CNTNAP2: variants seen among roughly 807,000 people sequenced by gnomAD.
CNTNAP2 encodes contactin associated protein 2, also known as contactin-associated protein-like 2.
In CNTNAP2, 98 loss-of-function variants were observed where a neutral mutation model predicts 155.2. That is an observed-to-expected ratio of 0.63 (90% CI 0.54 to 0.75). The LOEUF (loss-of-function observed/expected upper bound fraction) is 0.75, where lower values mean the gene tolerates loss of function less well. CNTNAP2 is among the 30% of genes least tolerant of loss of function. The pLI is 0.00. For missense variants in CNTNAP2, 1,727 were observed against 1,688.1 expected (o/e 1.02, Z -0.40); for synonymous variants, 651 against 631.2 (o/e 1.03, Z -0.47).
chr7:147,737,092 G>A (rs942008954), intron 13 of CNTNAP2, among the ~76,000 whole-genome samples: 1 of 152,158 alleles, frequency 6.6e-6, no homozygotes, highest in African/African-American at 2.4e-5. Context: ...GAGGTGGAGA[G>A]GCGCTCTGAT....
chr7:146,625,065 G>A (rs1159285120), intron 1 of CNTNAP2, among the ~76,000 whole-genome samples: 1 of 151,876 alleles, frequency 6.6e-6, no homozygotes, highest in African/African-American at 2.4e-5. Flanking sequence ...GTTTTCAAGT[G>A]CATTCATACA....
At chr7:146,290,858 A>G (rs531482090) in intron 1 of CNTNAP2, among the ~76,000 whole-genome samples, 1 of 152,340 alleles carries the variant, frequency 6.6e-6, no homozygotes, top group East Asian at 1.9e-4. Context: ...TTTTCATTGC[A>G]GTATCAATGC....
intron 13 of CNTNAP2, among the ~76,000 whole-genome samples, chr7:147,847,754 GT>G (rs1391068976): frequency 2.4e-5 from 1 of 40,946 alleles, no homozygotes; most frequent in Non-Finnish European, 4.3e-5. Context: ...TTTGATGATG[GT>G]GATGTACAGA....
At chr7:146,511,301 C>G (rs1323466504) in intron 1 of CNTNAP2, among the ~76,000 whole-genome samples, 2 of 152,180 alleles carry the variant, frequency 1.3e-5, no homozygotes, top group African/African-American at 4.8e-5. Context: ...CCTAATTGCT[C>G]TGGCTAGTAC....
intron 1 of CNTNAP2, among the ~76,000 whole-genome samples, chr7:146,174,043 A>T (rs771206556): frequency 6.6e-6 from 1 of 151,976 alleles, no homozygotes; most frequent in Non-Finnish European, 1.5e-5. Flanking sequence ...TATCTCTACA[A>T]AAAACAAAAA....
chr7:146,954,173 CTT>C (rs1047527870), intron 3 of CNTNAP2, among the ~76,000 whole-genome samples: 3 of 151,876 alleles, frequency 2.0e-5, no homozygotes, highest in Non-Finnish European at 4.4e-5. Flanking sequence ...ATCGTGTTAA[CTT>C]ATAATCTCTC....
intron 1 of CNTNAP2, among the ~76,000 whole-genome samples, chr7:146,337,656 G>C (rs970995419): frequency 2.0e-5 from 3 of 151,988 alleles, no homozygotes; most frequent in Non-Finnish European, 4.4e-5. Context: ...TTCTTGTAGA[G>C]ATGAGGTCTC....
At chr7:146,588,369 A>T (rs548738541) in intron 1 of CNTNAP2, among the ~76,000 whole-genome samples, 1 of 152,338 alleles carries the variant, frequency 6.6e-6, no homozygotes, top group South Asian at 2.1e-4. Flanking sequence ...GATCTTTGGA[A>T]TACTGAAAAC....
chr7:147,202,241 T>TA (rs35746648), intron 8 of CNTNAP2, among the ~76,000 whole-genome samples: 125,297 of 145,452 alleles, frequency 0.86, 54,247 homozygotes, highest in Middle Eastern at 0.91. Flanking sequence ...TAGCCTGATT[T>TA]AAAAAAAAAA....
intron 1 of CNTNAP2, among the ~76,000 whole-genome samples, chr7:146,517,952 T>G (rs1239300488): frequency 6.6e-6 from 1 of 151,962 alleles, no homozygotes; most frequent in Non-Finnish European, 1.5e-5. Flanking sequence ...TCAAGTGTAT[T>G]CTGAGATCTA....
In CNTNAP2 at chr7:148,118,110, TC is replaced by T; in HGVS notation, c.2384-5del. 6.2e-7 allele frequency: 1 copy of T among 1,613,990 alleles called. No individual in the cohort carries two copies. The highest frequency in any genetic ancestry group is 8.5e-7 in the Non-Finnish European group (1 of 1,180,006). On this transcript the variant is annotated splice_polypyrimidine_tract_variant and splice_region_variant and intron_variant, in intron 15 of 23. Coordinates refer to ENST00000361727, the MANE Select transcript of CNTNAP2 (RefSeq NM_014141.6). ...AGTTAACCTGATTTTTTTGTTTTCTTCCCACAGGGAATTATTGGAATGCCGC... is the reference window on the plus strand; with the variant it reads ...AGTTAACCTGATTTTTTTGTTTTCTTCCACAGGGAATTATTGGAATGCCGC...
chr7:146,498,562 T>C (rs1399829646), intron 1 of CNTNAP2, among the ~76,000 whole-genome samples: 1 of 152,198 alleles, frequency 6.6e-6, no homozygotes, highest in Admixed American at 6.5e-5. Context: ...GAAATTTTCA[T>C]TTTCAATTCC....
intron 1 of CNTNAP2, among the ~76,000 whole-genome samples, chr7:146,723,782 A>G (rs1317729022): frequency 6.6e-6 from 1 of 152,226 alleles, no homozygotes; most frequent in African/African-American, 2.4e-5. Flanking sequence ...TTGGTTCTCT[A>G]TGAAATAATA....
intron 5 of CNTNAP2, among the ~76,000 whole-genome samples, chr7:147,118,962 A>G (rs1801044447): frequency 6.6e-6 from 1 of 152,146 alleles, no homozygotes; most frequent in South Asian, 2.1e-4. Flanking sequence ...CTAATAACGA[A>G]CGTGTATTCA....
chr7:147,507,371 G>C (rs2116681261), intron 11 of CNTNAP2, among the ~76,000 whole-genome samples: 1 of 152,124 alleles, frequency 6.6e-6, no homozygotes, highest in African/African-American at 2.4e-5. Flanking sequence ...AACCCAAGGA[G>C]GTTGTCTCTC....
In CNTNAP2 at chr7:147,978,081, C is replaced by A. The variant is rs949400563; in HGVS notation, c.2383+92C>A. ...CAGAAGATGCCTGCAATCAGACTTG[C>A]TCTCCTGTAGCTCCTACAGAAACAT... On this transcript the variant is annotated intron_variant, in intron 15 of 23. Transcript: ENST00000361727. The A allele has an allele frequency of 7.2e-6, 11 of 1,520,010 alleles. No individual in the cohort carries two copies. In the African/African-American group the frequency reaches 1.4e-4, roughly 19 times the overall value. 94.2% of individuals were successfully genotyped at this position (1,520,010 alleles called of 1,614,324 possible).
chr7:148,179,603 G>A (rs112621831), intron 18 of CNTNAP2, among the ~76,000 whole-genome samples: 3 of 143,560 alleles, frequency 2.1e-5, no homozygotes, highest in African/African-American at 5.4e-5. Context: ...GAGGGAGGGA[G>A]GGAAGGAGGG....
intron 15 of CNTNAP2, among the ~76,000 whole-genome samples, chr7:148,037,479 A>T (rs1802592448): frequency 6.6e-6 from 1 of 152,208 alleles, no homozygotes; most frequent in South Asian, 2.1e-4. Context: ...CAATAATAAA[A>T]AATAAGCACA....
At chr7:148,117,806 A>G (rs1057127248) in intron 15 of CNTNAP2, among the ~76,000 whole-genome samples, 1 of 150,762 alleles carries the variant, frequency 6.6e-6, no homozygotes, top group African/African-American at 2.4e-5. Context: ...AATATTGTTT[A>G]TCATAAATAT....
Sources: gnomAD v4.1 joint callset for allele counts (sites outside exome capture counted in the v4.1 genomes callset) on GRCh38, gnomAD v4.1.1 for gene constraint, MANE v1.5 for transcripts, NCBI Gene and HGNC (gene_info 2026-07-23, HGNC 2026-07-21) for gene names.